Variants in CREBBP observed in about 807,000 individuals in gnomAD.
CREBBP encodes the protein CREB binding lysine acetyltransferase.
Under a neutral mutation model 265.0 loss-of-function variants are expected in CREBBP, and 19 were observed. That is an observed-to-expected ratio of 0.07 (90% CI 0.05 to 0.11). The LOEUF (loss-of-function observed/expected upper bound fraction) is 0.11, where lower values mean the gene tolerates loss of function less well. Ranked by LOEUF, CREBBP falls within the 10% of genes least tolerant of loss-of-function variation. The pLI is 1.00. For missense variants in CREBBP, 2,525 were observed against 3,219.0 expected (o/e 0.78, Z 5.22); for synonymous variants, 1,457 against 1,223.7 (o/e 1.19, Z -3.98).
chr16:3,795,198 C>A (rs1175824247), intron 3 of CREBBP, among the ~76,000 whole-genome samples: 1 of 152,148 alleles, frequency 6.6e-6, no homozygotes, highest in Non-Finnish European at 1.5e-5. Flanking sequence ...AGCAGAACAC[C>A]ATGAATGCAG....
rs1245690344 is a variant in CREBBP, at chr16:3,757,977, G to A, written c.3441C>T (p.Tyr1147=). ...TIKRKLDTGQ[Y]QEPWQYVDDV... ...CGTCCACGTACTGCCAGGGCTCTTG[G>A]TATTGCCCTGTGTCCAGCTTCCGCT... Residue 1147 remains tyrosine (Y), a synonymous_variant, in exon 18 of 31, where the codon TAC becomes TAT. Transcript: ENST00000262367. 1 of 1,613,450 alleles carries A rather than the reference G, an allele frequency of 6.2e-7. No individual in the cohort carries two copies. The highest frequency in any genetic ancestry group is 8.5e-7 in the Non-Finnish European group (1 of 1,179,902).
chr16:3,828,839 CAT>C (rs1378200235), intron 2 of CREBBP, among the ~76,000 whole-genome samples: 6 of 152,164 alleles, frequency 3.9e-5, no homozygotes, highest in Non-Finnish European at 7.3e-5. Context: ...TTATAAAAGA[CAT>C]ATGGCACCCA....
intron 2 of CREBBP, among the ~76,000 whole-genome samples, chr16:3,811,102 C>A (rs547193205): frequency 7.9e-4 from 121 of 152,230 alleles, no homozygotes; most frequent in Non-Finnish European, 5.3e-4. Flanking sequence ...TCCAAAGCTG[C>A]TACCCAAGGG....
intron 21 of CREBBP, chr16:3,745,611 G>A (rs933287594): frequency 1.2e-5 from 6 of 521,498 alleles, no homozygotes; most frequent in African/African-American, 9.5e-5. Flanking sequence ...CAACCAGAAA[G>A]GAAACTTTAC....
At chr16:3,869,791 C>T (rs2055256304) in intron 1 of CREBBP, among the ~76,000 whole-genome samples, 1 of 152,128 alleles carries the variant, frequency 6.6e-6, no homozygotes, top group South Asian at 2.1e-4. Flanking sequence ...AACAAGGAAA[C>T]ATCTCAATTC....
At chr16:3,744,288 C>G (rs888189562) in intron 23 of CREBBP, among the ~76,000 whole-genome samples, 3 of 152,116 alleles carry the variant, frequency 2.0e-5, no homozygotes, top group African/African-American at 7.2e-5. Flanking sequence ...CGGGACAGAC[C>G]CACGGCAGCC....
chr16:3,779,080 T>C (rs1174407018), intron 8 of CREBBP, among the ~76,000 whole-genome samples: 3 of 151,720 alleles, frequency 2.0e-5, no homozygotes, highest in South Asian at 2.1e-4. Context: ...GGCAAGAGAA[T>C]TGCTTGAACC....
At position 3,728,591 on chromosome 16, in the gene CREBBP, G is replaced by A. The variant is rs769799508; in HGVS notation, c.6456C>T (p.Pro2152=). The stretch of plus-strand genomic sequence containing the variant: ...TCGCCTGCTGCTGTGGAGGCACACC[G>A]GGCCGCGGCACGCCAGCCTGCATGG... The part of the protein sequence containing the change: ...LNAMQAGVPR[P]GVPPQQQAMG... Residue 2152 remains proline, a synonymous_variant, in exon 31 of 31, where the codon CCC becomes CCT. Coordinates refer to ENST00000262367, the MANE Select transcript of CREBBP (RefSeq NM_004380.3). This position sits in a 1 kb window ranked among gnomAD's most constrained non-coding sequence, Gnocchi z 8.7. 2.5e-5 allele frequency: 40 copies of A among 1,613,704 alleles called. No individual in the cohort carries two copies. The highest frequency in any genetic ancestry group is 5.0e-5 in the Admixed American group (3 of 59,994).
intron 19 of CREBBP, among the ~76,000 whole-genome samples, chr16:3,754,974 T>G (rs577011990): frequency 7.9e-5 from 12 of 152,328 alleles, no homozygotes; most frequent in Admixed American, 1.3e-4. Flanking sequence ...GATGATAATA[T>G]GCTAACCTAC....
At chr16:3,859,206 T>A (rs1406136623) in intron 1 of CREBBP, among the ~76,000 whole-genome samples, 3 of 152,070 alleles carry the variant, frequency 2.0e-5, no homozygotes, top group Admixed American at 6.5e-5. Flanking sequence ...TTTATTTTTT[T>A]ATTTTTATTT....
rs370161404 is a variant in CREBBP at position 3,853,401 on chromosome 16, G to C, written c.86-2392C>G. 2.6e-4 allele frequency among the ~76,000 whole-genome samples: 38 copies of C among 148,748 alleles called. 1 individual carries two copies. The South Asian group carries it at 7.7e-3, about 30-fold the overall frequency. ...CAAGGTAGGCGGATCACGAGGTCAG[G>C]AGATTGAGACCATCCTGGCTAACAC... On this transcript the variant is annotated intron_variant, in intron 1 of 30. Transcript: ENST00000262367.
At chr16:3,853,665 G>A (rs957475819) in intron 1 of CREBBP, among the ~76,000 whole-genome samples, 4 of 151,820 alleles carry the variant, frequency 2.6e-5, no homozygotes, top group African/African-American at 4.8e-5. Context: ...GGCCAGGCAC[G>A]GTAGCTCATG....
In CREBBP at chr16:3,880,217, C is replaced by A. The variant is rs2141618566; in HGVS notation, c.-301G>T. 7.1e-6 allele frequency: 1 copy of A among 140,406 alleles called. No individual in the cohort carries two copies. The highest frequency in any genetic ancestry group is 2.1e-4 in the East Asian group (1 of 4,680). 8.7% of individuals were successfully genotyped at this position (140,406 alleles called of 1,614,324 possible). A position where few individuals can be genotyped will look rare whatever the true frequency, so the allele number is the denominator to read the frequency against. On this transcript the variant is annotated 5_prime_UTR_variant, in exon 1 of 31. Transcript: ENST00000262367. ...AGCGCGACACTCCGCGGTGGGGGCG[C>A]CCCGGCGGCCCGGCCGCCCCCCCGG...
chr16:3,814,450 T>C (rs577024566), intron 2 of CREBBP, among the ~76,000 whole-genome samples: 167 of 152,102 alleles, frequency 1.1e-3, no homozygotes, highest in African/African-American at 4.0e-3. Flanking sequence ...GAGACAGGGT[T>C]TTACCATGTT....
At chr16:3,780,922 T>G (rs745665178) in intron 7 of CREBBP, 44 bp from the exon 8 acceptor site, 1 of 1,609,158 alleles carries the variant, frequency 6.2e-7, no homozygotes, top group South Asian at 1.1e-5. Context: ...CTGAAGTGAC[T>G]CAAACACACT....
chr16:3,778,848 T>A lies in CREBBP; in HGVS notation c.1824-31A>T, dbSNP rs779631400. The A allele has an allele frequency of 3.2e-6, 5 of 1,586,954 alleles. No homozygotes were observed. In the Admixed American group the frequency reaches 6.7e-5, roughly 21 times the overall value. On this transcript the variant is annotated intron_variant, in intron 8 of 30. Coordinates refer to ENST00000262367, the MANE Select transcript of CREBBP (RefSeq NM_004380.3). ...AGGATAACACATCTATCAAACTACT[T>A]TTTTTTTTCTTCTTTTTTTTAAAGA...
intron 19 of CREBBP, 178 bp from the exon 20 acceptor site, chr16:3,751,984 G>T (rs1480565482): frequency 4.4e-6 from 3 of 681,968 alleles, no homozygotes; most frequent in Non-Finnish European, 8.0e-6. Flanking sequence ...GGAAAGGCAG[G>T]ATTAGAGAAC....
chr16:3,866,172 G>A (rs904048351), intron 1 of CREBBP, among the ~76,000 whole-genome samples: 2 of 152,110 alleles, frequency 1.3e-5, no homozygotes, highest in South Asian at 2.1e-4. Flanking sequence ...AGAACTTTTC[G>A]AAAGTATTTT....
At chr16:3,858,758 CT>C (rs753773562) in intron 1 of CREBBP, among the ~76,000 whole-genome samples, 1 of 152,210 alleles carries the variant, frequency 6.6e-6, no homozygotes. Context: ...TCATCTTTCT[CT>C]TTAAGACTTT....
Sources: allele counts gnomAD v4.1 joint callset (sites outside exome capture counted in the v4.1 genomes callset), GRCh38; gene constraint gnomAD v4.1.1; non-coding constraint Gnocchi (gnomAD v3.1); transcripts MANE v1.5; gene names NCBI Gene and HGNC (gene_info 2026-07-23, HGNC 2026-07-21).